NFXL1: variants seen among roughly 807,000 people sequenced by gnomAD.
NFXL1 encodes nuclear transcription factor, X-box binding like 1, also known as NF-X1-type zinc finger protein NFXL1.
Under a neutral mutation model 123.3 loss-of-function variants are expected in NFXL1, and 66 were observed. The observed-to-expected ratio is 0.54, with a 90% CI of 0.44 to 0.66. NFXL1 has a LOEUF of 0.66. Ranked by LOEUF, NFXL1 falls within the 30% of genes least tolerant of loss-of-function variation. The probability of loss-of-function intolerance (pLI) is 0.00; values close to 1 mark genes in which losing one functional copy is unlikely to be tolerated. For missense variants in NFXL1, 944 were observed against 1,125.6 expected (o/e 0.84, Z 2.31); for synonymous variants, 346 against 360.8 (o/e 0.96, Z 0.46).
chr4:47,850,814 G>A (rs1427016016), intron 22 of NFXL1, among the ~76,000 whole-genome samples: 2 of 151,934 alleles, frequency 1.3e-5, no homozygotes, highest in Non-Finnish European at 2.9e-5. Context: ...GCCAAAGGAG[G>A]AATTAAAATT....
rs927668470 is a variant in NFXL1, at chr4:47,847,680, A to G, written c.*483T>C. On this transcript the variant is annotated 3_prime_UTR_variant, in exon 23 of 23. Coordinates refer to ENST00000507489, the MANE Select transcript of NFXL1 (RefSeq NM_001278624.2). ...ACCAATTTCTGAAATCTAATTACAT[A>G]CCTTCATGTCACAATTTAAGAGGTC... 5.9e-5 allele frequency: 9 copies of G among 152,646 alleles called. No homozygotes were observed. The highest frequency in any genetic ancestry group is 2.2e-4 in the African/African-American group (9 of 41,444). The allele number at this position is 152,646 out of a possible 1,614,324, so 9.5% of individuals were successfully genotyped here. A position where few individuals can be genotyped will look rare whatever the true frequency, so the allele number is the denominator to read the frequency against.
At chr4:47,909,310 C>T (rs943942337) in intron 3 of NFXL1, among the ~76,000 whole-genome samples, 3 of 152,154 alleles carry the variant, frequency 2.0e-5, no homozygotes, top group Non-Finnish European at 2.9e-5. Context: ...GCTGCTTTTT[C>T]CCCATAAACA....
At chr4:47,870,065 C>T (rs545188077) in intron 18 of NFXL1, among the ~76,000 whole-genome samples, 56 of 152,122 alleles carry the variant, frequency 3.7e-4, no homozygotes, top group African/African-American at 1.3e-3. Context: ...AAAAACAACA[C>T]ACACACATCA....
chr4:47,901,090 C>T (rs199531667), intron 5 of NFXL1, among the ~76,000 whole-genome samples: 36 of 152,192 alleles, frequency 2.4e-4, no homozygotes, highest in African/African-American at 5.5e-4. Flanking sequence ...TATGTGCAAA[C>T]GCATGAGTTT....
intron 9 of NFXL1, among the ~76,000 whole-genome samples, chr4:47,896,862 T>C (rs1737116545): frequency 6.6e-6 from 1 of 152,210 alleles, no homozygotes; most frequent in Non-Finnish European, 1.5e-5. Context: ...CACAAGTTAC[T>C]ATCCTCAAGA....
Position 47,862,841 on chromosome 4 carries a change from CT to C in NFXL1, c.2316+4del. Reference sequence around the variant, plus strand: ...TACAATTTAAAAGGTTCTACTAAAGCTTACCTCTTTAGGGCACTGATTTTTG... The same window carrying C: ...TACAATTTAAAAGGTTCTACTAAAGCTACCTCTTTAGGGCACTGATTTTTG... On this transcript the variant is annotated splice_donor_region_variant and intron_variant, in intron 19 of 22. Coordinates refer to ENST00000507489, the MANE Select transcript of NFXL1 (RefSeq NM_001278624.2). 6.7e-7 allele frequency: 1 copy of C among 1,497,252 alleles called. No individual in the cohort carries two copies. Among genetic ancestry groups the C allele is most frequent in the Non-Finnish European group, 9.2e-7 (1 of 1,092,700 alleles). 92.7% of individuals were successfully genotyped at this position (1,497,252 alleles called of 1,614,324 possible). A position where few individuals can be genotyped will look rare whatever the true frequency, so the allele number is the denominator to read the frequency against.
chr4:47,909,093 C>T (rs1737707283), intron 3 of NFXL1, among the ~76,000 whole-genome samples: 1 of 152,132 alleles, frequency 6.6e-6, no homozygotes, highest in South Asian at 2.1e-4. Flanking sequence ...ACAGGCACTA[C>T]TGTAAGCACT....
rs1374811320 is a variant in NFXL1, at chr4:47,848,208, A to C, written c.2691T>G (p.Val897=). ...HKYYLISVCG[V]VVVVFAWYIT... ...TGTACCAGGCAAACACTACAACCAC[A>C]ACTCCACACACTGAAATGAGATAAT... is the stretch of plus-strand genomic sequence containing the variant. Residue 897 remains valine, a synonymous_variant, in exon 23 of 23, where the codon GTT becomes GTG. Coordinates refer to ENST00000507489, the MANE Select transcript of NFXL1 (RefSeq NM_001278624.2). 6.2e-7 allele frequency: 1 copy of C among 1,611,862 alleles called. No individual in the cohort carries two copies. The highest frequency in any genetic ancestry group is 1.3e-5 in the African/African-American group (1 of 74,884).
Position 47,848,183 on chromosome 4 carries a change from T to G in NFXL1, c.2716A>C (p.Ile906Leu). 6.3e-7 allele frequency: 1 copy of G among 1,595,298 alleles called. No homozygotes were observed. The highest frequency in any genetic ancestry group is 8.6e-7 in the Non-Finnish European group (1 of 1,168,820). Residue 906 changes from isoleucine (I) to leucine (L), a missense_variant, in exon 23 of 23, where the codon ATC (isoleucine) becomes CTC (leucine). By Grantham distance (5) the Ile-to-Leu change is conservative. This residue lies in a region of NFXL1 where 301 missense variants were observed against 348.0 expected (regional missense o/e 0.86). Transcript: ENST00000507489. ...GVVVVVFAWY[I>L]THDVN is the part of the protein sequence containing the mutation. ...TTTTTTTAATTGACATCATGGGTGA[T>G]GTACCAGGCAAACACTACAACCACA...
At chr4:47,864,140 T>C (rs1734921024) in intron 18 of NFXL1, among the ~76,000 whole-genome samples, 1 of 152,206 alleles carries the variant, frequency 6.6e-6, no homozygotes, top group Non-Finnish European at 1.5e-5. Flanking sequence ...TTCTTACAAG[T>C]ATAATGTTCA....
Position 47,899,031 on chromosome 4 carries a change from A to G in NFXL1, c.916T>C (p.Trp306Arg). 5.6e-6 allele frequency: 9 copies of G among 1,613,504 alleles called. No homozygotes were observed. Among genetic ancestry groups the G allele is most frequent in the Non-Finnish European group, 7.6e-6 (9 of 1,179,856 alleles). The change falls in exon 7 of 23, where the codon TGG becomes CGG. Residue 306 changes from tryptophan (W) to arginine (R), a missense_variant. Around this residue, in one of 4 missense-constraint regions of NFXL1, gnomAD observed 296 missense variants for 395.1 expected, o/e 0.75. Coordinates refer to ENST00000507489, the MANE Select transcript of NFXL1 (RefSeq NM_001278624.2). ...TGTCCACATGGCAGCTGACAAGACC[A>G]TTCCTTGGCACTGCACCTACGAGGG... ...PIPRRCSAKE[W>R]SCQLPCGQKL...
At chr4:47,851,250 T>C in intron 21 of NFXL1, 102 bp from the exon 22 acceptor site, 2 of 775,236 alleles carry the variant, frequency 2.6e-6, no homozygotes, top group Admixed American at 4.6e-5. Flanking sequence ...ATATCAACTT[T>C]TAGGAGCTTG....
At chr4:47,913,947 C>T in intron 2 of NFXL1, 22 bp downstream of exon 2, 1 of 1,519,822 alleles carries the variant, frequency 6.6e-7, no homozygotes, top group African/African-American at 1.4e-5. Context: ...CAGGTGAGCA[C>T]GCGGGCGGGA....
rs1734095752 is a variant in NFXL1 at position 47,851,154 on chromosome 4, T to A, written c.2509-6A>T. Reference sequence around the variant, plus strand: ...TTGGCTTCTGCTTCTTTTATCTGTTTATACACATACAAAAGTCAATTTACA... The same window carrying A: ...TTGGCTTCTGCTTCTTTTATCTGTTAATACACATACAAAAGTCAATTTACA... On this transcript the variant is annotated splice_region_variant and splice_polypyrimidine_tract_variant and intron_variant, in intron 21 of 22. Transcript: ENST00000507489. 1 of 1,603,512 alleles carries A rather than the reference T, an allele frequency of 6.2e-7. No individual in the cohort carries two copies. Among genetic ancestry groups the A allele is most frequent in the Non-Finnish European group, 8.5e-7 (1 of 1,171,002 alleles).
chr4:47,907,781 CATT>C (rs1242478579), intron 3 of NFXL1, among the ~76,000 whole-genome samples: 2 of 152,100 alleles, frequency 1.3e-5, no homozygotes, highest in Non-Finnish European at 2.9e-5. Flanking sequence ...GACTGAAAGA[CATT>C]ATTGCATTTT....
At chr4:47,894,617 A>G (rs1333821576) in intron 10 of NFXL1, among the ~76,000 whole-genome samples, 1 of 152,022 alleles carries the variant, frequency 6.6e-6, no homozygotes, top group Non-Finnish European at 1.5e-5. Flanking sequence ...GTCTCAGTAA[A>G]GCCAAAAAAA....
intron 5 of NFXL1, among the ~76,000 whole-genome samples, chr4:47,900,358 C>T (rs149082133): frequency 0.035 from 5,317 of 152,124 alleles, 335 homozygotes; most frequent in African/African-American, 0.12. Context: ...TACAGGTGCA[C>T]GCCACCACGT....
At chr4:47,853,475 G>A (rs931786799) in intron 20 of NFXL1, among the ~76,000 whole-genome samples, 1 of 151,964 alleles carries the variant, frequency 6.6e-6, no homozygotes, top group Non-Finnish European at 1.5e-5. Context: ...GAATCACAAA[G>A]CTCTACATTA....
rs761205331 is a variant in NFXL1, at chr4:47,857,840, G to A, written c.2317-2677C>T. Reference sequence around the variant, plus strand: ...CGGGAATCTAAAAACTTAAAAGAGCGAGATGGTGGTTTAAGTAGTCATCTC... The same window carrying A: ...CGGGAATCTAAAAACTTAAAAGAGCAAGATGGTGGTTTAAGTAGTCATCTC... On this transcript the variant is annotated intron_variant, in intron 19 of 22. Coordinates refer to ENST00000507489, the MANE Select transcript of NFXL1 (RefSeq NM_001278624.2). Among the ~76,000 whole-genome samples, 5 of 152,304 alleles carry A rather than the reference G, an allele frequency of 3.3e-5. No homozygotes were observed. The East Asian group carries it at 5.8e-4, about 18-fold the overall frequency.
Sources: gnomAD v4.1 joint callset for allele counts (sites outside exome capture counted in the v4.1 genomes callset) on GRCh38, gnomAD v4.1.1 for gene constraint, gnomAD v4.1.1 regional missense constraint, MANE v1.5 for transcripts, NCBI Gene and HGNC (gene_info 2026-07-23, HGNC 2026-07-21) for gene names.